MCOLN2: variants seen among roughly 807,000 people sequenced by gnomAD.
MCOLN2 encodes mucolipin TRP cation channel 2.
Under a neutral mutation model 67.5 loss-of-function variants are expected in MCOLN2, and 57 were observed. The ratio of observed to expected loss-of-function variants is 0.84; its 90% CI spans 0.68 to 1.05. The LOEUF is 1.05. MCOLN2 is among the 50% of genes least tolerant of loss of function. The pLI is 0.00. For synonymous variants in MCOLN2, 246 were observed against 233.3 expected (o/e 1.05, Z -0.50); for missense variants, 620 against 678.8 (o/e 0.91, Z 0.96).
chr1:84,994,775 T>C (rs1651064133), intron 1 of MCOLN2, among the ~76,000 whole-genome samples: 1 of 152,158 alleles, frequency 6.6e-6, no homozygotes, highest in Non-Finnish European at 1.5e-5. Context: ...TTCACTGGAG[T>C]AGCACTTATA....
intron 2 of MCOLN2, among the ~76,000 whole-genome samples, chr1:84,960,546 A>G (rs1649032919): frequency 6.6e-6 from 1 of 152,220 alleles, no homozygotes; most frequent in Non-Finnish European, 1.5e-5. Flanking sequence ...ATGTCAAAGG[A>G]TTGTGCAACT....
intron 11 of MCOLN2, chr1:84,937,404 G>T: frequency 3.7e-5 from 7 of 188,748 alleles, no homozygotes; most frequent in Non-Finnish European, 7.2e-5. Flanking sequence ...ACTTTAAATT[G>T]GAAATTTTTT....
At chr1:84,958,499 A>G (rs673998) in intron 3 of MCOLN2, 30 bp downstream of exon 3, 528,166 of 1,546,820 alleles carry the variant, frequency 0.34, 91,082 homozygotes, top group African/African-American at 0.44. Context: ...ACATTGTTAA[A>G]GTATAGGTCA....
chr1:84,934,441 C>T (rs1282758149), intron 11 of MCOLN2, among the ~76,000 whole-genome samples: 1 of 152,182 alleles, frequency 6.6e-6, no homozygotes, highest in Non-Finnish European at 1.5e-5. Flanking sequence ...CCTGCAATGG[C>T]TTATGTCAGA....
chr1:84,969,792 G>A (rs1306179534), intron 1 of MCOLN2, among the ~76,000 whole-genome samples: 1 of 152,190 alleles, frequency 6.6e-6, no homozygotes, highest in Non-Finnish European at 1.5e-5. Flanking sequence ...CAGTAGAAGA[G>A]AAAGACTTGT....
At chr1:84,977,340 CCACAAAACAAT>C (rs1263512307) in intron 1 of MCOLN2, among the ~76,000 whole-genome samples, 337 of 137,284 alleles carry the variant, frequency 2.5e-3, no homozygotes, top group African/African-American at 8.7e-3. Context: ...AGAAAGAAGA[CCACAAAACAAT>C]CAGAAAATAA....
rs185787000 is a variant in MCOLN2, at chr1:84,991,438, A to G, written c.77+5358T>C. On this transcript the variant is annotated intron_variant, in intron 1 of 13. Coordinates refer to ENST00000370608, the MANE Select transcript of MCOLN2 (RefSeq NM_153259.4). Reference sequence around the variant, plus strand: ...TCTCACAAGAGAGGAAGAAAGAAAAATATCTAGCCAACTGAGGTTTTGAGG... The same window carrying G: ...TCTCACAAGAGAGGAAGAAAGAAAAGTATCTAGCCAACTGAGGTTTTGAGG... Among the ~76,000 whole-genome samples, 4 of 152,334 alleles carry G rather than the reference A, an allele frequency of 2.6e-5. No individual in the cohort carries two copies. In the South Asian group the frequency reaches 8.3e-4, roughly 32 times the overall value.
Position 84,925,599 on chromosome 1 carries a change from A to T in MCOLN2, c.*1086T>A, listed in dbSNP as rs925680273. The stretch of plus-strand genomic sequence containing the variant: ...AATGCCATATGGAATGATGAAAATA[A>T]ATTTATTTAGAGAAAATATATCATA... On this transcript the variant is annotated 3_prime_UTR_variant, in exon 14 of 14. Transcript: ENST00000370608. 6.6e-6 allele frequency: 1 copy of T among 152,216 alleles called. No individual in the cohort carries two copies. Among genetic ancestry groups the T allele is most frequent in the Non-Finnish European group, 1.5e-5 (1 of 68,040 alleles). The allele number at this position is 152,216 out of a possible 1,614,324, so 9.4% of individuals were successfully genotyped here.
chr1:84,996,790 C>T lies in MCOLN2; in HGVS notation c.77+6G>A. ...CATCCTGAAAGATGAAGCCCAGACTCCTCACCTGACGGTTAACCTGAAAAC... is the reference window on the plus strand; with the variant it reads ...CATCCTGAAAGATGAAGCCCAGACTTCTCACCTGACGGTTAACCTGAAAAC... On this transcript the variant is annotated splice_donor_region_variant and intron_variant, in intron 1 of 13. Coordinates refer to ENST00000370608, the MANE Select transcript of MCOLN2 (RefSeq NM_153259.4). 1 of 1,613,480 alleles carries T rather than the reference C, an allele frequency of 6.2e-7. No homozygotes were observed. The highest frequency in any genetic ancestry group is 1.1e-5 in the South Asian group (1 of 91,040).
intron 1 of MCOLN2, among the ~76,000 whole-genome samples, chr1:84,996,529 G>T (rs934363440): frequency 1.3e-5 from 2 of 151,384 alleles, no homozygotes; most frequent in Non-Finnish European, 2.9e-5. Flanking sequence ...ACGGAGGAGG[G>T]GCCCGCTGGC....
intron 1 of MCOLN2, among the ~76,000 whole-genome samples, chr1:84,993,136 G>C (rs1650975727): frequency 6.6e-6 from 1 of 152,130 alleles, no homozygotes; most frequent in South Asian, 2.1e-4. Flanking sequence ...AATGTTCATA[G>C]CATCTTCACC....
chr1:84,959,182 C>T (rs1345051923), intron 2 of MCOLN2, among the ~76,000 whole-genome samples: 1 of 152,084 alleles, frequency 6.6e-6, no homozygotes, highest in African/African-American at 2.4e-5. Context: ...CTTACTCCAG[C>T]TAGGAGGTAA....
chr1:84,965,956 A>G (rs1444070108), intron 1 of MCOLN2, among the ~76,000 whole-genome samples: 2 of 152,196 alleles, frequency 1.3e-5, no homozygotes, highest in Non-Finnish European at 2.9e-5. Context: ...CATCTTGTTC[A>G]AAATGGCCAA....
intron 1 of MCOLN2, among the ~76,000 whole-genome samples, chr1:84,987,589 C>CATCTATGTATAA (rs1650663681): frequency 1.4e-5 from 1 of 71,308 alleles, no homozygotes; most frequent in Non-Finnish European, 2.9e-5. Flanking sequence ...TAGATATATA[C>CATCTATGTATAA]ATATGTATAT....
chr1:84,949,501 C>T (rs879868109), intron 6 of MCOLN2, among the ~76,000 whole-genome samples: 6 of 151,748 alleles, frequency 4.0e-5, no homozygotes, highest in Admixed American at 3.9e-4. Context: ...ATTAGCTGGG[C>T]GTGGTGGCAG....
intron 1 of MCOLN2, among the ~76,000 whole-genome samples, chr1:84,966,209 G>A (rs150493788): frequency 1.1e-3 from 168 of 152,048 alleles, no homozygotes; most frequent in Non-Finnish European, 1.4e-3. Flanking sequence ...CCAAGGTCAC[G>A]CCACTGTACT....
chr1:84,939,778 T>C, intron 8 of MCOLN2, 76 bp from the exon 9 acceptor site: 1 of 1,473,830 alleles, frequency 6.8e-7, no homozygotes, highest in South Asian at 1.2e-5. Flanking sequence ...TGCAAAACAG[T>C]GCTCTCACCT....
At chr1:84,989,096 T>C (rs1350927251) in intron 1 of MCOLN2, among the ~76,000 whole-genome samples, 1 of 152,168 alleles carries the variant, frequency 6.6e-6, no homozygotes, top group Non-Finnish European at 1.5e-5. Flanking sequence ...TCCCCTACAA[T>C]GGACTTCATG....
At chr1:84,966,856 T>C (rs1300867513) in intron 1 of MCOLN2, among the ~76,000 whole-genome samples, 3 of 152,098 alleles carry the variant, frequency 2.0e-5, no homozygotes, top group African/African-American at 7.2e-5. Context: ...GTATAAAAAA[T>C]ATTAGTATTT....
Sources: gnomAD v4.1 joint callset for allele counts (sites outside exome capture counted in the v4.1 genomes callset) on GRCh38, gnomAD v4.1.1 for gene constraint, MANE v1.5 for transcripts, NCBI Gene and HGNC (gene_info 2026-07-23, HGNC 2026-07-21) for gene names.